Variants in RERG observed in about 807,000 individuals in gnomAD.
RERG encodes the protein ras-related and estrogen-regulated growth inhibitor.
Under a neutral mutation model 23.2 loss-of-function variants are expected in RERG, and 25 were observed. The observed-to-expected ratio is 1.08, with a 90% CI of 0.79 to 1.50. The LOEUF (loss-of-function observed/expected upper bound fraction) is 1.50, where lower values mean the gene tolerates loss of function less well. RERG is among the 40% of genes most tolerant of loss of function. RERG has a pLI of 0.00. For missense variants in RERG, 253 were observed against 250.1 expected, an observed-to-expected ratio of 1.01 and a Z score of -0.08; for synonymous variants, 81 against 89.1, an observed-to-expected ratio of 0.91 and a Z score of 0.51.
At chr12:15,208,234 T>TTGAA (rs984230480) in intron 2 of RERG, among the ~76,000 whole-genome samples, 7 of 152,130 alleles carry the variant, frequency 4.6e-5, no homozygotes, top group African/African-American at 1.4e-4. Flanking sequence ...GACAATTGCT[T>TTGAA]TGAATGAATG....
At chr12:15,193,255 C>T (rs1865096847) in intron 2 of RERG, among the ~76,000 whole-genome samples, 1 of 152,050 alleles carries the variant, frequency 6.6e-6, no homozygotes, top group African/African-American at 2.4e-5. Flanking sequence ...TCGGTATGGC[C>T]TCAGGGATAT....
Position 15,109,952 on chromosome 12 carries a change from T to C in RERG, c.193-435A>G, listed in dbSNP as rs1018109592. ...CAAAATTTAGCAAGATGCATTTTGG[T>C]TTATTTATTATTTTTTTGGTTTGTT... On this transcript the variant is annotated intron_variant, in intron 4 of 4. Transcript: ENST00000256953. Among the ~76,000 whole-genome samples, 2 of 152,154 alleles carry C rather than the reference T, an allele frequency of 1.3e-5. 1 individual carries two copies. Among genetic ancestry groups the C allele is most frequent in the Non-Finnish European group, 2.9e-5 (2 of 68,024 alleles).
Position 15,108,889 on chromosome 12 carries a change from A to G in RERG, c.*221T>C. 2.0e-6 allele frequency: 1 copy of G among 490,456 alleles called. No individual in the cohort carries two copies. Among genetic ancestry groups the G allele is most frequent in the Non-Finnish European group, 3.5e-6 (1 of 281,890 alleles). 30.4% of individuals were successfully genotyped at this position (490,456 alleles called of 1,614,324 possible). On this transcript the variant is annotated 3_prime_UTR_variant, in exon 5 of 5. Transcript: ENST00000256953. Reference sequence around the variant, plus strand: ...TCTGGTGATTACATGTTCAAATGCCATTAGAGTGTATCTTATTCAAGCAGG... The same window carrying G: ...TCTGGTGATTACATGTTCAAATGCCGTTAGAGTGTATCTTATTCAAGCAGG...
chr12:15,180,398 G>A lies in RERG; in HGVS notation c.61+37031C>T, dbSNP rs73065447. Among the ~76,000 whole-genome samples the A allele has an allele frequency of 6.7e-3, 1,019 of 152,198 alleles. 5 individuals carry two copies. Among genetic ancestry groups the A allele is most frequent in the Non-Finnish European group, 0.011 (740 of 68,000 alleles). On this transcript the variant is annotated intron_variant, in intron 2 of 4. Transcript: ENST00000256953. ...TAGACAGTTTCCTTCTCATCTTGGA[G>A]AGGTGGGGAGAGCTGGGGTCCTGAG...
At chr12:15,212,091 C>T (rs542609944) in intron 2 of RERG, among the ~76,000 whole-genome samples, 27 of 111,704 alleles carry the variant, frequency 2.4e-4, no homozygotes, top group South Asian at 1.9e-3. Flanking sequence ...CTCGCTCTGT[C>T]GCCCAGGCCG....
intron 2 of RERG, among the ~76,000 whole-genome samples, chr12:15,183,784 A>G (rs1864956068): frequency 6.6e-6 from 1 of 152,206 alleles, no homozygotes; most frequent in East Asian, 1.9e-4. Flanking sequence ...TAGTGTGGAA[A>G]GCAAAGGGTC....
chr12:15,199,653 T>C (rs1180005676), intron 2 of RERG, among the ~76,000 whole-genome samples: 1 of 152,070 alleles, frequency 6.6e-6, no homozygotes, highest in Admixed American at 6.6e-5. Flanking sequence ...ATAGTAGTTT[T>C]AGCCAACATA....
intron 2 of RERG, among the ~76,000 whole-genome samples, chr12:15,131,695 A>C (rs1030202076): frequency 1.3e-5 from 2 of 152,082 alleles, no homozygotes; most frequent in African/African-American, 2.4e-5. Context: ...TGACCTCCTT[A>C]TACAGATCCT....
At chr12:15,121,977 T>A (rs1863839774) in intron 2 of RERG, among the ~76,000 whole-genome samples, 1 of 152,054 alleles carries the variant, frequency 6.6e-6, no homozygotes, top group Non-Finnish European at 1.5e-5. Context: ...ATAAGACATA[T>A]GCCAAACATT....
chr12:15,170,603 T>C (rs1365164780), intron 2 of RERG, among the ~76,000 whole-genome samples: 1 of 152,186 alleles, frequency 6.6e-6, no homozygotes, highest in Non-Finnish European at 1.5e-5. Context: ...GTTTACCTTT[T>C]GGATCCAGAC....
At chr12:15,145,301 C>T (rs1864312854) in intron 2 of RERG, among the ~76,000 whole-genome samples, 1 of 152,186 alleles carries the variant, frequency 6.6e-6, no homozygotes, top group Non-Finnish European at 1.5e-5. Context: ...AGCCAGTGAC[C>T]TGGAATTAAA....
In RERG at chr12:15,109,501, C is replaced by G. The variant is rs1230610542; in HGVS notation, c.209G>C (p.Arg70Thr). ...TTCCCCCCATCGCATGTGCCCCTCC[C>G]TCTGAATGGTATCTTCCTGTTGGCA... ...DTAGQEDTIQ[R>T]EGHMRWGEGF... The change falls in exon 5 of 5, where the codon AGG (arginine) becomes ACG (threonine). Residue 70 changes from arginine (R) to threonine (T), a missense_variant. Arg to Thr is a moderately conservative substitution (Grantham distance 71, BLOSUM62 -1). Transcript: ENST00000256953. 6.2e-7 allele frequency: 1 copy of G among 1,602,204 alleles called. No individual in the cohort carries two copies. Among genetic ancestry groups the G allele is most frequent in the Non-Finnish European group, 8.5e-7 (1 of 1,172,386 alleles).
At chr12:15,137,021 C>A (rs1018515168) in intron 2 of RERG, among the ~76,000 whole-genome samples, 2 of 151,860 alleles carry the variant, frequency 1.3e-5, no homozygotes, top group Non-Finnish European at 2.9e-5. Context: ...ACTATAATGG[C>A]GGATTCGTCT....
chr12:15,114,267 A>C (rs556459876), intron 3 of RERG, among the ~76,000 whole-genome samples: 1 of 152,300 alleles, frequency 6.6e-6, no homozygotes, highest in African/African-American at 2.4e-5. Context: ...AAAAGGGTTG[A>C]CTACATTAAA....
chr12:15,144,081 G>T (rs1205688828), intron 2 of RERG, among the ~76,000 whole-genome samples: 1 of 152,122 alleles, frequency 6.6e-6, no homozygotes, highest in East Asian at 1.9e-4. Flanking sequence ...GAAGGGTGTG[G>T]AGTATGAGAG....
intron 2 of RERG, chr12:15,152,122 G>C (rs1349644995): frequency 2.0e-5 from 3 of 152,194 alleles, no homozygotes; most frequent in African/African-American, 7.2e-5. Flanking sequence ...TCAGTGAAGG[G>C]AATATTGCCC....
chr12:15,137,730 A>T, intron 2 of RERG: 5 of 342,102 alleles, frequency 1.5e-5, no homozygotes, highest in South Asian at 1.3e-4. Flanking sequence ...TTCAACTTAT[A>T]CATGAGCAAT....
chr12:15,136,647 T>C (rs1864149109), intron 2 of RERG, among the ~76,000 whole-genome samples: 1 of 152,076 alleles, frequency 6.6e-6, no homozygotes, highest in Non-Finnish European at 1.5e-5. Flanking sequence ...AGAGTTTTTC[T>C]TTCACCCATA....
chr12:15,212,311 G>A (rs568705371), intron 2 of RERG, among the ~76,000 whole-genome samples: 19 of 150,412 alleles, frequency 1.3e-4, no homozygotes, highest in Non-Finnish European at 1.9e-4. Context: ...CACCCGCCTC[G>A]GCCTCCCAAA....
Sources: gnomAD v4.1 joint callset for allele counts (sites outside exome capture counted in the v4.1 genomes callset) on GRCh38, gnomAD v4.1.1 for gene constraint, MANE v1.5 for transcripts, NCBI Gene and HGNC (gene_info 2026-07-23, HGNC 2026-07-21) for gene names.